Variants in IL1RAPL2 observed in about 807,000 individuals in gnomAD.
The protein encoded by IL1RAPL2 is interleukin 1 receptor accessory protein like 2, also known as X-linked interleukin-1 receptor accessory protein-like 2.
Under a neutral mutation model 44.1 loss-of-function variants are expected in IL1RAPL2, and 3 were observed. That is an observed-to-expected ratio of 0.07 (90% confidence interval 0.03 to 0.18). The LOEUF (loss-of-function observed/expected upper bound fraction) is 0.18, where lower values mean the gene tolerates loss of function less well. IL1RAPL2 is among the 10% of genes least tolerant of loss of function. The pLI is 1.00. For synonymous variants in IL1RAPL2, 181 were observed against 178.8 expected (o/e 1.01, Z -0.10); for missense variants, 391 against 496.4 (o/e 0.79, Z 2.02).
In IL1RAPL2 at chrX:104,807,501, T is replaced by C. The variant is rs781357954; in HGVS notation, c.82+148506T>C. ...CAAAACATCTCTTAGGAGAGTTTTT[T>C]CCTTTGAAAATGCTCAATATACAAT... On this transcript the variant is annotated intron_variant, in intron 2 of 10. Transcript: ENST00000372582. Among the ~76,000 whole-genome samples, 92 of 111,820 alleles carry C rather than the reference T, an allele frequency of 8.2e-4. No individual in the cohort carries two copies. The Middle Eastern group carries it at 0.014, about 17-fold the overall frequency.
chrX:105,034,693 C>A (rs2031588759), intron 2 of IL1RAPL2, among the ~76,000 whole-genome samples: 1 of 112,373 alleles, frequency 8.9e-6, no homozygotes, highest in Admixed American at 9.4e-5. Context: ...GGGTCAGGGA[C>A]CCACTTGAGG....
chrX:104,584,179 T>G (rs907217980), intron 1 of IL1RAPL2, among the ~76,000 whole-genome samples: 1 of 111,719 alleles, frequency 9.0e-6, no homozygotes, highest in Non-Finnish European at 1.9e-5. Context: ...AAATGCATGT[T>G]AGAGTTTGAG....
chrX:105,295,695 A>G (rs985687991), intron 5 of IL1RAPL2, among the ~76,000 whole-genome samples: 2 of 112,389 alleles, frequency 1.8e-5, no homozygotes, highest in Non-Finnish European at 3.8e-5. Context: ...TTTGTGTTAC[A>G]TCTGTGCATA....
chrX:104,928,924 GAAAAT>G (rs937213438), intron 2 of IL1RAPL2, among the ~76,000 whole-genome samples: 4 of 111,231 alleles, frequency 3.6e-5, no homozygotes, highest in African/African-American at 1.3e-4. Flanking sequence ...AAGGATTTTT[GAAAAT>G]AAAATAAACT....
At chrX:105,058,506 T>C (rs1191804643) in intron 2 of IL1RAPL2, among the ~76,000 whole-genome samples, 1 of 112,345 alleles carries the variant, frequency 8.9e-6, no homozygotes, top group Non-Finnish European at 1.9e-5. Context: ...TACCTGAACA[T>C]ATGTGGAAAC....
At chrX:105,400,763 A>G (rs932999360) in intron 5 of IL1RAPL2, among the ~76,000 whole-genome samples, 1 of 112,198 alleles carries the variant, frequency 8.9e-6, no homozygotes, top group Non-Finnish European at 1.9e-5. Context: ...CATTCAATAA[A>G]AATATACTGA....
intron 2 of IL1RAPL2, among the ~76,000 whole-genome samples, chrX:104,709,049 A>G (rs901148705): frequency 2.7e-5 from 3 of 111,522 alleles, no homozygotes; most frequent in Admixed American, 1.9e-4. Context: ...ACATGTTATA[A>G]GGAAGATCTA....
intron 6 of IL1RAPL2, among the ~76,000 whole-genome samples, chrX:105,666,301 CA>C (rs1357547124): frequency 9.0e-6 from 1 of 110,619 alleles, no homozygotes; most frequent in Non-Finnish European, 1.9e-5. Flanking sequence ...AAGCTGGGTC[CA>C]GGGGGGTCAC....
In IL1RAPL2 at chrX:105,726,912, C is replaced by T. The variant is rs1355003187; in HGVS notation, c.902+9416C>T. On this transcript the variant is annotated intron_variant, in intron 7 of 10. Coordinates refer to ENST00000372582, the MANE Select transcript of IL1RAPL2 (RefSeq NM_017416.2). ...CCTCTAGAATGCCCCTCCCTCAATG[C>T]ATTGAGCCAATAAATCTGATTTTGT... Among the ~76,000 whole-genome samples, 6 of 111,116 alleles carry T rather than the reference C, an allele frequency of 5.4e-5. No homozygotes were observed. The Admixed American group carries it at 5.8e-4, about 11-fold the overall frequency.
intron 2 of IL1RAPL2, among the ~76,000 whole-genome samples, chrX:105,160,191 A>G (rs1376547639): frequency 4.5e-5 from 5 of 110,593 alleles, no homozygotes. Context: ...GAGAATCCAT[A>G]TAACTGATGA....
intron 6 of IL1RAPL2, among the ~76,000 whole-genome samples, chrX:105,671,414 A>G (rs1033834293): frequency 2.7e-5 from 3 of 112,102 alleles, no homozygotes; most frequent in African/African-American, 9.7e-5. Context: ...CAACATAGAC[A>G]TTATGTCATC....
intron 5 of IL1RAPL2, among the ~76,000 whole-genome samples, chrX:105,321,227 A>C (rs1178077351): frequency 9.0e-6 from 1 of 111,651 alleles, no homozygotes; most frequent in Non-Finnish European, 1.9e-5. Flanking sequence ...TTATCAGGTA[A>C]GTTTGGGAAA....
chrX:104,653,595 G>A (rs759967673), intron 1 of IL1RAPL2, among the ~76,000 whole-genome samples: 1 of 110,953 alleles, frequency 9.0e-6, no homozygotes, highest in South Asian at 3.9e-4. Flanking sequence ...TATGGAACTA[G>A]CTGCATTGGT....
chrX:105,516,885 C>T (rs1436657315), intron 6 of IL1RAPL2, among the ~76,000 whole-genome samples: 3 of 111,588 alleles, frequency 2.7e-5, no homozygotes, highest in Non-Finnish European at 1.9e-5. Context: ...TAAGGATGTG[C>T]ACTGTCCTAA....
chrX:105,565,661 C>T (rs1185415645), intron 6 of IL1RAPL2, among the ~76,000 whole-genome samples: 2 of 112,241 alleles, frequency 1.8e-5, no homozygotes, highest in Non-Finnish European at 3.8e-5. Flanking sequence ...GTATCACTTT[C>T]CCACACCGCA....
chrX:104,762,508 C>A (rs922104705), intron 2 of IL1RAPL2, among the ~76,000 whole-genome samples: 2 of 111,815 alleles, frequency 1.8e-5, no homozygotes, highest in Non-Finnish European at 3.8e-5. Flanking sequence ...AGTGGATCTA[C>A]CATTCTGGTG....
intron 6 of IL1RAPL2, among the ~76,000 whole-genome samples, chrX:105,634,904 T>G (rs1218137915): frequency 8.9e-6 from 1 of 111,776 alleles, no homozygotes; most frequent in Non-Finnish European, 1.9e-5. Context: ...TATCCTCATG[T>G]TCTTTATGAG....
chrX:105,195,836 T>A, intron 3 of IL1RAPL2, 88 bp downstream of exon 3: 1 of 888,185 alleles, frequency 1.1e-6, no homozygotes, highest in Non-Finnish European at 1.6e-6. Flanking sequence ...CCTCATGTTG[T>A]ATAATGGATA....
intron 4 of IL1RAPL2, among the ~76,000 whole-genome samples, chrX:105,257,628 C>T (rs1221674749): frequency 8.9e-6 from 1 of 111,982 alleles, no homozygotes; most frequent in African/African-American, 3.3e-5. Flanking sequence ...CCGTGGTGGG[C>T]GCATATATAT....
Sources: gnomAD v4.1 joint callset for allele counts (sites outside exome capture counted in the v4.1 genomes callset) on GRCh38, gnomAD v4.1.1 for gene constraint, MANE v1.5 for transcripts, NCBI Gene and HGNC (gene_info 2026-07-23, HGNC 2026-07-21) for gene names.